Variants in ERV3-1 observed in about 807,000 individuals in gnomAD.
ERV3-1 encodes endogenous retrovirus group 3 member 1 Env polyprotein.
Under a neutral mutation model 24.6 loss-of-function variants are expected in ERV3-1, and 36 were observed. That is an observed-to-expected ratio of 1.47 (90% CI 1.12 to 1.94). The LOEUF is 1.94. Among genes scored for constraint, ERV3-1 ranks in the 30% most tolerant of loss-of-function variants. The pLI is 0.00. For missense variants in ERV3-1, 578 were observed against 330.9 expected (o/e 1.75, Z -5.79); for synonymous variants, 211 against 122.6 (o/e 1.72, Z -4.76).
chr7:65,005,263 T>A (rs1201907862), intron 1 of ERV3-1: 1 of 152,256 alleles, frequency 6.6e-6, no homozygotes, highest in East Asian at 1.9e-4. Context: ...CAGACAGTAC[T>A]GAAACCCAGA....
chr7:65,000,756 G>C lies in ERV3-1; in HGVS notation c.-389+5785C>G, dbSNP rs1045332769. Among the ~76,000 whole-genome samples, 3 of 152,200 alleles carry C rather than the reference G, an allele frequency of 2.0e-5. No individual in the cohort carries two copies. In the South Asian group the frequency reaches 6.2e-4, roughly 32 times the overall value. On this transcript the variant is annotated intron_variant, in intron 1 of 1. Coordinates refer to ENST00000394323, the MANE Select transcript of ERV3-1 (RefSeq NM_001007253.4). Reference sequence around the variant, plus strand: ...GCCAAGATCACATCACTGTACTTCAGCCTGGGTGACACAGTGAGACCCTGT... The same window carrying C: ...GCCAAGATCACATCACTGTACTTCACCCTGGGTGACACAGTGAGACCCTGT...
intron 1 of ERV3-1, among the ~76,000 whole-genome samples, chr7:65,001,470 T>C (rs1786522475): frequency 6.6e-6 from 1 of 152,138 alleles, no homozygotes; most frequent in South Asian, 2.1e-4. Context: ...ATTCCTAAGG[T>C]GGTGCCTAGT....
chr7:65,006,110 C>A (rs1024910840), intron 1 of ERV3-1: 3 of 179,138 alleles, frequency 1.7e-5, no homozygotes, highest in Admixed American at 1.1e-4. Flanking sequence ...TAATTAAATT[C>A]TTTAATATTT....
At position 64,991,208 on chromosome 7, in the gene ERV3-1, G is replaced by C. The variant is rs751582022; in HGVS notation, c.*4C>G. On this transcript the variant is annotated 3_prime_UTR_variant, in exon 2 of 2. Coordinates refer to ENST00000394323, the MANE Select transcript of ERV3-1 (RefSeq NM_001007253.4). The stretch of plus-strand genomic sequence containing the variant: ...AACCAACCTCTGAAAAGGGAATCTG[G>C]AGACTATCCTTTCCAAGTCTGAACT... The C allele has an allele frequency of 1.3e-5, 10 of 743,362 alleles. No homozygotes were observed. The highest frequency in any genetic ancestry group is 2.5e-5 in the Non-Finnish European group (10 of 405,996). The allele number at this position is 743,362 out of a possible 1,614,324, so 46.0% of individuals were successfully genotyped here.
intron 1 of ERV3-1, among the ~76,000 whole-genome samples, chr7:64,995,093 G>A (rs558114967): frequency 2.6e-5 from 4 of 152,352 alleles, no homozygotes; most frequent in South Asian, 4.1e-4. Flanking sequence ...AAAGTTATGC[G>A]TGGATTTTCA....
In ERV3-1 at chr7:64,991,084, T is replaced by A; in HGVS notation, c.*128A>T. 1 of 590,804 alleles carries A rather than the reference T, an allele frequency of 1.7e-6. No individual in the cohort carries two copies. The highest frequency in any genetic ancestry group is 2.2e-5 in the South Asian group (1 of 45,002). 36.6% of individuals were successfully genotyped at this position (590,804 alleles called of 1,614,324 possible). A position where few individuals can be genotyped will look rare whatever the true frequency, so the allele number is the denominator to read the frequency against. ...AAGAGCCTCTATGGCTGTTTGGATA[T>A]TTTTGACAATGAGGGGTAAGAGACA... On this transcript the variant is annotated 3_prime_UTR_variant, in exon 2 of 2. Coordinates refer to ENST00000394323, the MANE Select transcript of ERV3-1 (RefSeq NM_001007253.4).
chr7:65,000,478 C>T (rs370418852), intron 1 of ERV3-1, among the ~76,000 whole-genome samples: 5 of 152,292 alleles, frequency 3.3e-5, no homozygotes, highest in East Asian at 3.9e-4. Context: ...CCACCTCGGC[C>T]TCCCAAAGTG....
At position 64,991,527 on chromosome 7, in the gene ERV3-1, A is replaced by G. The variant is rs1298043930; in HGVS notation, c.1500T>C (p.Asp500=). Residue 500 remains aspartate, a synonymous_variant, in exon 2 of 2, where the codon GAT becomes GAC. Transcript: ENST00000394323. ...QYYGPATWAE[D]GMWGYRTPVY... is the part of the protein sequence containing the mutation. ...CTGGGGTGCGGTATCCCCACATTCC[A>G]TCTTCTGCCCAGGTGGCTGGGCCAT... 1.3e-5 allele frequency: 9 copies of G among 703,966 alleles called. No homozygotes were observed. Among genetic ancestry groups the G allele is most frequent in the East Asian group, 2.7e-5 (1 of 37,290 alleles). 43.6% of individuals were successfully genotyped at this position (703,966 alleles called of 1,614,324 possible). A position where few individuals can be genotyped will look rare whatever the true frequency, so the allele number is the denominator to read the frequency against.
intron 1 of ERV3-1, among the ~76,000 whole-genome samples, chr7:65,001,818 T>G (rs993049050): frequency 6.6e-6 from 1 of 152,220 alleles, no homozygotes; most frequent in African/African-American, 2.4e-5. Flanking sequence ...AAAATTTGAA[T>G]TATGACCCCA....
chr7:64,993,868 T>C (rs1786343367), intron 1 of ERV3-1, among the ~76,000 whole-genome samples: 1 of 152,206 alleles, frequency 6.6e-6, no homozygotes, highest in South Asian at 2.1e-4. Context: ...CGGTAGGCTG[T>C]GTGTAATTTC....
chr7:64,991,710 C>T lies in ERV3-1; in HGVS notation c.1317G>A (p.Leu439=), dbSNP rs373454107. ...LPAKWSGACV[L]GTIRPSFFLM... is the part of the protein sequence containing the mutation. ...GGAAGAAGGACGGCCTAATTGTCCC[C>T]AGTACACAGGCCCCTGACCATTTAG... Residue 439 remains leucine, a synonymous_variant, in exon 2 of 2, where the codon CTG becomes CTA. Coordinates refer to ENST00000394323, the MANE Select transcript of ERV3-1 (RefSeq NM_001007253.4). 1.3e-6 allele frequency: 1 copy of T among 758,992 alleles called. No homozygotes were observed. Among genetic ancestry groups the T allele is most frequent in the African/African-American group, 1.7e-5 (1 of 59,142 alleles). 47.0% of individuals were successfully genotyped at this position (758,992 alleles called of 1,614,324 possible).
chr7:64,999,015 G>A (rs1043833142), intron 1 of ERV3-1, among the ~76,000 whole-genome samples: 10 of 151,992 alleles, frequency 6.6e-5, no homozygotes, highest in South Asian at 2.1e-4. Context: ...CCAACTTTGC[G>A]AGCCCCTCTC....
In ERV3-1 at chr7:64,991,633, G is replaced by C. The variant is rs1290836785; in HGVS notation, c.1394C>G (p.Thr465Ser). 1.4e-6 allele frequency: 1 copy of C among 704,738 alleles called. No individual in the cohort carries two copies. Among genetic ancestry groups the C allele is most frequent in the Admixed American group, 2.0e-5 (1 of 50,034 alleles). The allele number at this position is 704,738 out of a possible 1,614,324, so 43.7% of individuals were successfully genotyped here. A position where few individuals can be genotyped will look rare whatever the true frequency, so the allele number is the denominator to read the frequency against. ...TATGCCTCTTTTGCTTTTCCTTTTAGTTTCATCATAGATGGGGTATCCTAA... is the reference window on the plus strand; with the variant it reads ...TATGCCTCTTTTGCTTTTCCTTTTACTTTCATCATAGATGGGGTATCCTAA... Reference protein sequence around the residue: ...EALGYPIYDETKRKSKRGITI... With the variant: ...EALGYPIYDESKRKSKRGITI... Residue 465 changes from threonine (T) to serine (S), a missense_variant, in exon 2 of 2, where the codon ACT becomes AGT. Transcript: ENST00000394323.
chr7:65,006,327 G>C (rs1786648993), intron 1 of ERV3-1: 1 of 743,334 alleles, frequency 1.3e-6, no homozygotes. Context: ...CAGTCACTGC[G>C]CAGGGAGGAG....
intron 1 of ERV3-1, among the ~76,000 whole-genome samples, chr7:64,998,745 G>A (rs1043776473): frequency 6.6e-6 from 1 of 152,078 alleles, no homozygotes; most frequent in Admixed American, 6.6e-5. Flanking sequence ...CAATCTATAA[G>A]TTGTGGGGCA....
intron 1 of ERV3-1, among the ~76,000 whole-genome samples, chr7:65,000,595 G>A (rs559529169): frequency 2.8e-4 from 42 of 152,196 alleles, no homozygotes; most frequent in Admixed American, 2.1e-3. Flanking sequence ...CCTGGGCAAC[G>A]TGGCAAAACC....
At chr7:65,000,648 A>G (rs1483787107) in intron 1 of ERV3-1, among the ~76,000 whole-genome samples, 1 of 152,124 alleles carries the variant, frequency 6.6e-6, no homozygotes, top group Non-Finnish European at 1.5e-5. Flanking sequence ...AGCCAGGCAT[A>G]ATGGTATGCA....
rs144280567 is a variant in ERV3-1, at chr7:64,991,149, T to C, written c.*63A>G. ...AAACTCCCAATATGGCTAGGACTAT[T>C]TGTACTAAGGTTTTAAATCCTCCAA... On this transcript the variant is annotated 3_prime_UTR_variant, in exon 2 of 2. Coordinates refer to ENST00000394323, the MANE Select transcript of ERV3-1 (RefSeq NM_001007253.4). The C allele has an allele frequency of 8.1e-4, 513 of 633,452 alleles. No individual in the cohort carries two copies. The African/African-American group carries it at 8.1e-3, about 10-fold the overall frequency. The allele number at this position is 633,452 out of a possible 1,614,324, so 39.2% of individuals were successfully genotyped here.
In ERV3-1 at chr7:64,993,070, T is replaced by A; in HGVS notation, c.-44A>T. ...CCTGGGGGGAGAAGGCTAAGCAAAG[T>A]GACAGCTTAATAGCAAAGTAATTAA... is the stretch of plus-strand genomic sequence containing the variant. On this transcript the variant is annotated 5_prime_UTR_variant, in exon 2 of 2. Transcript: ENST00000394323. 1 of 676,668 alleles carries A rather than the reference T, an allele frequency of 1.5e-6. No homozygotes were observed. The highest frequency in any genetic ancestry group is 1.6e-5 in the South Asian group (1 of 61,056). The allele number at this position is 676,668 out of a possible 1,614,324, so 41.9% of individuals were successfully genotyped here.
Sources: gnomAD v4.1 joint callset for allele counts (sites outside exome capture counted in the v4.1 genomes callset) on GRCh38, gnomAD v4.1.1 for gene constraint, MANE v1.5 for transcripts, NCBI Gene and HGNC (gene_info 2026-07-23, HGNC 2026-07-21) for gene names.